The following MAP4 variants were observed in gnomAD, a reference collection of about 807,000 sequenced individuals.
MAP4 encodes the protein microtubule-associated protein 4.
MAP4 carries 76 observed loss-of-function variants against 170.2 expected under a neutral mutation model. That is an observed-to-expected ratio of 0.45 (90% confidence interval 0.37 to 0.54). The LOEUF is 0.54. Ranked by LOEUF, MAP4 falls within the 20% of genes least tolerant of loss-of-function variation. The pLI, the probability that MAP4 is intolerant of heterozygous loss-of-function variation, is 0.00. For missense variants in MAP4, 2,506 were observed against 2,748.0 expected (o/e 0.91, Z 1.97); for synonymous variants, 909 against 994.5 (o/e 0.91, Z 1.62).
intron 5 of MAP4, among the ~76,000 whole-genome samples, chr3:47,920,431 C>T (rs576903774): frequency 4.7e-4 from 71 of 151,270 alleles, no homozygotes; most frequent in Middle Eastern, 3.5e-3. Flanking sequence ...TTAGTAGAGA[C>T]GGGATTTCAC....
chr3:48,006,019 G>A (rs925009333), intron 1 of MAP4, among the ~76,000 whole-genome samples: 3 of 152,190 alleles, frequency 2.0e-5, no homozygotes, highest in African/African-American at 7.2e-5. Flanking sequence ...CTCTGGCATT[G>A]GCTAATTAAT....
intron 3 of MAP4, chr3:47,960,657 A>G: frequency 5.9e-6 from 1 of 169,422 alleles, no homozygotes; most frequent in Non-Finnish European, 1.4e-5. Context: ...CAAGTTGGTG[A>G]ACAGTAAGAT....
chr3:47,957,435 T>G (rs1315227069), intron 3 of MAP4, among the ~76,000 whole-genome samples: 2 of 152,230 alleles, frequency 1.3e-5, no homozygotes, highest in African/African-American at 2.4e-5. Context: ...CCTCCCAAAG[T>G]GCTGGGATTA....
At position 47,912,111 on chromosome 3, in the gene MAP4, TTTC is replaced by T. The variant is rs2100036251; in HGVS notation, c.2307_2309del (p.Lys774del). ...TCTTTTGCTTTGGTTTCTTCTTCTT[TTTC>T]TTCATCATTATTGGTGTGCTTTCTA... On this transcript the variant is annotated inframe_deletion, in exon 9 of 21. Transcript: ENST00000683076. The T allele has an allele frequency of 6.5e-7, 1 of 1,536,056 alleles. No individual in the cohort carries two copies. The highest frequency in any genetic ancestry group is 1.4e-5 in the African/African-American group (1 of 73,058).
chr3:47,855,245 T>C lies in MAP4; in HGVS notation c.6696+3A>G. 6.2e-7 allele frequency: 1 copy of C among 1,610,554 alleles called. No individual in the cohort carries two copies. The highest frequency in any genetic ancestry group is 8.5e-7 in the Non-Finnish European group (1 of 1,176,786). On this transcript the variant is annotated splice_donor_region_variant and intron_variant, in intron 19 of 20. Transcript: ENST00000683076. The surrounding 1 kb of genome is among the most constrained non-coding windows in gnomAD (Gnocchi z 5.1). ...TGTGTCTCCCCAGTGACCCACTCGC[T>C]ACCTTCACAGCACCTCCTGCAGGTA... is the stretch of plus-strand genomic sequence containing the variant.
intron 1 of MAP4, among the ~76,000 whole-genome samples, chr3:48,045,830 C>T (rs2100124248): frequency 6.6e-6 from 1 of 152,160 alleles, no homozygotes. Flanking sequence ...CGTAAGCCAC[C>T]GCGCCCGGCT....
At chr3:48,055,427 A>G (rs1310977195) in intron 1 of MAP4, among the ~76,000 whole-genome samples, 10 of 151,612 alleles carry the variant, frequency 6.6e-5, no homozygotes. Context: ...GCCGGTCTCC[A>G]GCCCCTAACC....
chr3:47,942,465 C>T (rs983822201), intron 3 of MAP4, among the ~76,000 whole-genome samples: 2 of 152,036 alleles, frequency 1.3e-5, no homozygotes, highest in Non-Finnish European at 2.9e-5. Flanking sequence ...AATTATAGCT[C>T]ACTGCAGCCT....
chr3:47,986,013 T>C (rs2100088431), intron 2 of MAP4, among the ~76,000 whole-genome samples: 1 of 152,226 alleles, frequency 6.6e-6, no homozygotes, highest in Non-Finnish European at 1.5e-5. Flanking sequence ...GAAGGAACTA[T>C]ATGTAAATAT....
At chr3:47,905,209 A>G (rs2100032255) in intron 9 of MAP4, among the ~76,000 whole-genome samples, 1 of 152,202 alleles carries the variant, frequency 6.6e-6, no homozygotes, top group Non-Finnish European at 1.5e-5. Flanking sequence ...AACTCTCCCT[A>G]CGATAAGCTA....
chr3:47,948,368 G>C (rs1365965912), intron 3 of MAP4, among the ~76,000 whole-genome samples: 1 of 151,542 alleles, frequency 6.6e-6, no homozygotes, highest in Non-Finnish European at 1.5e-5. Flanking sequence ...GGAGTAGCTG[G>C]GACTGTGGGC....
intron 17 of MAP4, 80 bp from the exon 18 acceptor site, chr3:47,857,592 C>CAGAGCCAA: frequency 1.0e-6 from 1 of 965,528 alleles, no homozygotes; most frequent in Non-Finnish European, 1.7e-6. Context: ...TTTAAATCTT[C>CAGAGCCAA]TCCATGTTCA....
At chr3:47,906,084 CAAAAAAAAAAA>C (rs536980998) in intron 9 of MAP4, among the ~76,000 whole-genome samples, 2 of 129,342 alleles carry the variant, frequency 1.5e-5, no homozygotes, top group African/African-American at 5.5e-5. Context: ...TACACATAAC[CAAAAAAAAAAA>C]AAAAATCACA....
At chr3:48,085,340 T>G (rs2100148547) in intron 1 of MAP4, among the ~76,000 whole-genome samples, 1 of 152,080 alleles carries the variant, frequency 6.6e-6, no homozygotes, top group Non-Finnish European at 1.5e-5. Context: ...ACTATGAGAT[T>G]AGGAAGAATC....
intron 3 of MAP4, among the ~76,000 whole-genome samples, chr3:47,942,571 GTTTTTGT>G (rs1241269757): frequency 5.9e-5 from 9 of 152,050 alleles, no homozygotes; most frequent in South Asian, 2.1e-4. Context: ...AATCACCACT[GTTTTTGT>G]TTTTTGTTTT....
chr3:47,886,070 T>C (rs183273620), intron 10 of MAP4, among the ~76,000 whole-genome samples: 143 of 152,322 alleles, frequency 9.4e-4, no homozygotes, highest in African/African-American at 3.3e-3. Context: ...ATCTTACTTG[T>C]GTAACTAGCT....
chr3:47,997,415 T>C (rs1471298239), intron 2 of MAP4, among the ~76,000 whole-genome samples: 2 of 144,658 alleles, frequency 1.4e-5, no homozygotes, highest in African/African-American at 2.5e-5. Flanking sequence ...TTTAAATGAA[T>C]GAAAATAAAA....
intron 3 of MAP4, among the ~76,000 whole-genome samples, chr3:47,971,226 T>G (rs1203549023): frequency 2.0e-5 from 3 of 152,256 alleles, no homozygotes; most frequent in Non-Finnish European, 4.4e-5. Context: ...GATGGATGTC[T>G]TGCTGTCTAT....
chr3:48,073,383 G>A (rs560233808), intron 1 of MAP4, among the ~76,000 whole-genome samples: 1 of 150,772 alleles, frequency 6.6e-6, no homozygotes, highest in South Asian at 2.1e-4. Context: ...AGCTGAGGCG[G>A]GTGGGATCAC....
Sources: allele counts gnomAD v4.1 joint callset (sites outside exome capture counted in the v4.1 genomes callset), GRCh38; gene constraint gnomAD v4.1.1; non-coding constraint Gnocchi (gnomAD v3.1); transcripts MANE v1.5; gene names NCBI Gene and HGNC (gene_info 2026-07-23, HGNC 2026-07-21).